The following CUX2 variants were observed in gnomAD, a reference collection of about 807,000 sequenced individuals.
CUX2 encodes the protein cut like homeobox 2, also known as homeobox protein cut-like 2.
In CUX2, 40 loss-of-function variants were observed where a neutral mutation model predicts 144.8. That is an observed-to-expected ratio of 0.28 (90% CI 0.21 to 0.36). The LOEUF is 0.36. Among genes scored for constraint, CUX2 ranks in the 10% least tolerant of loss-of-function variants. The pLI is 1.00. For synonymous variants in CUX2, 827 were observed against 875.6 expected (o/e 0.94, Z 0.98); for missense variants, 1,615 against 1,994.0 (o/e 0.81, Z 3.62).
chr12:111,160,325 GTGTGTCTGGCC>G lies in CUX2; in HGVS notation c.64-53869_64-53859del, dbSNP rs1985819956. 1.3e-5 allele frequency among the ~76,000 whole-genome samples: 2 copies of G among 152,184 alleles called. No homozygotes were observed. Among genetic ancestry groups the G allele is most frequent in the Non-Finnish European group, 2.9e-5 (2 of 68,036 alleles). On this transcript the variant is annotated intron_variant, in intron 1 of 21. Transcript: ENST00000261726. This position sits in a 1 kb window ranked among gnomAD's most constrained non-coding sequence, Gnocchi z 4.1. Reference sequence around the variant, plus strand: ...GAGGAATCAGACCAGTCAGAGATAGGTGTGTCTGGCCTGTGTGTGCAGGGTGCGTGTCAGAG... The same window carrying G: ...GAGGAATCAGACCAGTCAGAGATAGGTGTGTGTGCAGGGTGCGTGTCAGAG...
intron 18 of CUX2, among the ~76,000 whole-genome samples, chr12:111,332,128 CTTTTTT>C (rs765789593): frequency 8.4e-6 from 1 of 119,602 alleles, no homozygotes; most frequent in African/African-American, 3.5e-5. Context: ...ATCTGTCTAC[CTTTTTT>C]TTTTTTTTTT....
At chr12:111,148,719 G>A (rs1232597749) in intron 1 of CUX2, among the ~76,000 whole-genome samples, 1 of 152,096 alleles carries the variant, frequency 6.6e-6, no homozygotes, top group African/African-American at 2.4e-5. Flanking sequence ...TAAGGGGCTG[G>A]GCCCGGTGGC....
chr12:111,257,719 CTCCTCT>C (rs1465937595), intron 3 of CUX2, among the ~76,000 whole-genome samples: 4 of 139,782 alleles, frequency 2.9e-5, no homozygotes, highest in Admixed American at 1.5e-4. Flanking sequence ...CTCCATCTTC[CTCCTCT>C]TCCTCTTCCT....
chr12:111,099,738 G>A (rs894617955), intron 1 of CUX2: 3 of 455,366 alleles, frequency 6.6e-6, no homozygotes, highest in African/African-American at 6.0e-5. Flanking sequence ...CGAAACTGGG[G>A]CCTGCACGGA....
rs1349375411 is a variant in CUX2, at chr12:111,320,057, C to T, written c.2048C>T (p.Thr683Met). The T allele has an allele frequency of 4.5e-6, 7 of 1,544,398 alleles. No homozygotes were observed. Among genetic ancestry groups the T allele is most frequent in the South Asian group, 3.6e-5 (3 of 84,398 alleles). Residue 683 changes from threonine to methionine, a missense_variant, in exon 17 of 22, where the codon ACG becomes ATG. Thr to Met is a moderately conservative substitution (Grantham distance 81). Around this residue, in one of 12 missense-constraint regions of CUX2, gnomAD observed 390 missense variants for 387.1 expected, o/e 1.01. Coordinates refer to ENST00000261726, the MANE Select transcript of CUX2 (RefSeq NM_015267.4). The surrounding 1 kb of genome is among the most constrained non-coding windows in gnomAD (Gnocchi z 8.1). ...SVAPLSIANG[T>M]TPASTSEDAI... ...GCCCCGCTGAGCATCGCCAACGGCA[C>T]GACCCCCGCCAGCACCTCGGAGGAC...
At chr12:111,207,154 C>A (rs1314671931) in intron 1 of CUX2, among the ~76,000 whole-genome samples, 2 of 152,176 alleles carry the variant, frequency 1.3e-5, no homozygotes, top group Non-Finnish European at 2.9e-5. Context: ...CTTGGGACCA[C>A]ACTATGATTT....
chr12:111,211,202 G>A (rs1316072230), intron 1 of CUX2, among the ~76,000 whole-genome samples: 2 of 152,210 alleles, frequency 1.3e-5, no homozygotes, highest in African/African-American at 4.8e-5. Flanking sequence ...TGAAGGACAA[G>A]CATAGATTTA....
At chr12:111,150,644 G>A (rs916037623) in intron 1 of CUX2, among the ~76,000 whole-genome samples, 2 of 151,956 alleles carry the variant, frequency 1.3e-5, no homozygotes, top group African/African-American at 4.8e-5. Flanking sequence ...GGAGGCAGAC[G>A]GCTGGACCAA....
chr12:111,268,892 G>A (rs1241753524), intron 4 of CUX2, among the ~76,000 whole-genome samples: 2 of 152,146 alleles, frequency 1.3e-5, no homozygotes, highest in African/African-American at 4.8e-5. Flanking sequence ...TGCCTCCCAG[G>A]GGTCCCCAGG....
intron 1 of CUX2, among the ~76,000 whole-genome samples, chr12:111,062,262 C>T (rs1303923223): frequency 1.3e-5 from 2 of 151,928 alleles, no homozygotes; most frequent in Non-Finnish European, 2.9e-5. Context: ...ATCATACACT[C>T]ACACACGCTC....
Position 111,196,940 on chromosome 12 carries a change from G to A in CUX2, c.64-17260G>A, listed in dbSNP as rs78946461. ...TTAATCATACATAGCTGGAATAGGCGTGGGGCTCAGGGACTAGGGGCTGCA... is the reference window on the plus strand; with the variant it reads ...TTAATCATACATAGCTGGAATAGGCATGGGGCTCAGGGACTAGGGGCTGCA... On this transcript the variant is annotated intron_variant, in intron 1 of 21. Transcript: ENST00000261726. Among the ~76,000 whole-genome samples, 150 of 152,280 alleles carry A rather than the reference G, an allele frequency of 9.9e-4. 1 individual carries two copies. The East Asian group carries it at 0.023, about 23-fold the overall frequency.
intron 4 of CUX2, among the ~76,000 whole-genome samples, chr12:111,275,581 TCTC>T (rs1196696764): frequency 6.6e-6 from 1 of 152,050 alleles, no homozygotes; most frequent in East Asian, 1.9e-4. Context: ...CCCTGTCACT[TCTC>T]CTGACACTAG....
intron 4 of CUX2, among the ~76,000 whole-genome samples, chr12:111,278,691 C>T (rs1226522084): frequency 1.3e-5 from 2 of 152,184 alleles, no homozygotes; most frequent in African/African-American, 4.8e-5. Context: ...CTTGGTGTTC[C>T]ATGGCTGTCA....
chr12:111,132,303 A>G (rs1049023339), intron 1 of CUX2, among the ~76,000 whole-genome samples: 5 of 152,158 alleles, frequency 3.3e-5, no homozygotes, highest in Non-Finnish European at 2.9e-5. Flanking sequence ...TGCACACAGC[A>G]TGGGGACCCT....
chr12:111,092,525 AG>A (rs1259155151), intron 1 of CUX2, among the ~76,000 whole-genome samples: 3 of 152,176 alleles, frequency 2.0e-5, no homozygotes, highest in African/African-American at 7.2e-5. Context: ...GACTAGTCCA[AG>A]GTCTCATTTG....
intron 1 of CUX2, among the ~76,000 whole-genome samples, chr12:111,183,733 C>T (rs1238334493): frequency 6.6e-6 from 1 of 152,136 alleles, no homozygotes; most frequent in African/African-American, 2.4e-5. Flanking sequence ...TGAGGTCATA[C>T]ACATCAGTGC....
intron 1 of CUX2, among the ~76,000 whole-genome samples, chr12:111,098,386 C>G (rs1872964082): frequency 6.8e-6 from 1 of 146,482 alleles, no homozygotes; most frequent in Non-Finnish European, 1.5e-5. Context: ...AGCGACAGAG[C>G]GAGACTTCGT....
chr12:111,067,954 TC>T (rs1165508923), intron 1 of CUX2, among the ~76,000 whole-genome samples: 1 of 152,052 alleles, frequency 6.6e-6, no homozygotes, highest in African/African-American at 2.4e-5. Flanking sequence ...GTGGAATAGT[TC>T]CACCCCCTGC....
chr12:111,165,238 C>T (rs137917651), intron 1 of CUX2, among the ~76,000 whole-genome samples: 2 of 152,264 alleles, frequency 1.3e-5, no homozygotes, highest in African/African-American at 4.8e-5. Context: ...GTGTTTAGCT[C>T]TCTGGGTAGG....
Sources: allele counts gnomAD v4.1 joint callset (sites outside exome capture counted in the v4.1 genomes callset), GRCh38; gene constraint gnomAD v4.1.1; regional missense constraint gnomAD v4.1.1; non-coding constraint Gnocchi (gnomAD v3.1); transcripts MANE v1.5; gene names NCBI Gene and HGNC (gene_info 2026-07-23, HGNC 2026-07-21).